CEP85L: variants seen among roughly 807,000 people sequenced by gnomAD.
The protein encoded by CEP85L is centrosomal protein 85L.
In CEP85L, 60 loss-of-function variants were observed where a neutral mutation model predicts 100.3. The observed-to-expected ratio is 0.60, with a 90% CI of 0.49 to 0.74. The LOEUF (loss-of-function observed/expected upper bound fraction) is 0.74. Among genes scored for constraint, CEP85L ranks in the 30% least tolerant of loss-of-function variants. The pLI is 0.00. For synonymous variants in CEP85L, 319 were observed against 322.7 expected (o/e 0.99, Z 0.12); for missense variants, 973 against 936.2 (o/e 1.04, Z -0.51).
chr6:118,502,282 A>T, intron 5 of CEP85L: 7 of 531,520 alleles, frequency 1.3e-5, no homozygotes, highest in South Asian at 1.2e-4. Context: ...TTCAGATTTA[A>T]TCTATGCAAT....
chr6:118,694,600 C>G (rs1208334057), intron 1 of CEP85L, among the ~76,000 whole-genome samples: 1 of 151,920 alleles, frequency 6.6e-6, no homozygotes, highest in African/African-American at 2.4e-5. Flanking sequence ...TGTCTAAAAC[C>G]CCTACAATCT....
intron 2 of CEP85L, among the ~76,000 whole-genome samples, 178 bp from the exon 3 acceptor site, chr6:118,566,494 C>T (rs777657506): frequency 1.3e-5 from 2 of 152,092 alleles, no homozygotes; most frequent in African/African-American, 2.4e-5. Context: ...CTCGGCTCAC[C>T]GCAATCTCTG....
In CEP85L at chr6:118,578,507, G is replaced by A. The variant is rs144619432; in HGVS notation, c.233-12191C>T. 1.0e-2 allele frequency among the ~76,000 whole-genome samples: 1,522 copies of A among 152,218 alleles called. 37 individuals carry two copies. The highest frequency in any genetic ancestry group is 0.034 in the African/African-American group (1,398 of 41,522). On this transcript the variant is annotated intron_variant, in intron 2 of 12. Transcript: ENST00000368491. The stretch of plus-strand genomic sequence containing the variant: ...AGCACTTTGGGAGGCTGAGGCGGGC[G>A]GATCACGAGGTCAGGAGATTGAGAC...
At chr6:118,621,165 C>G (rs1396535327) in intron 2 of CEP85L, among the ~76,000 whole-genome samples, 2 of 152,146 alleles carry the variant, frequency 1.3e-5, no homozygotes, top group Non-Finnish European at 2.9e-5. Context: ...AAGCTCAAGG[C>G]TTAGTGAGAA....
At chr6:118,481,185 A>G (rs928214220) in intron 8 of CEP85L, among the ~76,000 whole-genome samples, 4 of 151,836 alleles carry the variant, frequency 2.6e-5, no homozygotes, top group Non-Finnish European at 5.9e-5. Flanking sequence ...TATTCCATTA[A>G]GGAGTGCAGT....
intron 3 of CEP85L, among the ~76,000 whole-genome samples, chr6:118,531,711 C>A (rs1402571378): frequency 1.3e-5 from 2 of 152,032 alleles, no homozygotes; most frequent in African/African-American, 4.8e-5. Flanking sequence ...CATGAACAGA[C>A]ACATCTCAAA....
At chr6:118,495,320 A>T (rs1582909109) in intron 5 of CEP85L, among the ~76,000 whole-genome samples, 1 of 152,208 alleles carries the variant, frequency 6.6e-6, no homozygotes, top group East Asian at 1.9e-4. Flanking sequence ...TCCCCACCCA[A>T]ATCTCAACTT....
intron 1 of CEP85L, among the ~76,000 whole-genome samples, chr6:118,684,888 G>A (rs1325498262): frequency 2.6e-5 from 4 of 152,154 alleles, no homozygotes; most frequent in Non-Finnish European, 5.9e-5. Flanking sequence ...CTGGGCTCAA[G>A]TGATCCTCCC....
intron 5 of CEP85L, among the ~76,000 whole-genome samples, chr6:118,492,392 T>C (rs953412279): frequency 2.6e-5 from 4 of 152,134 alleles, no homozygotes; most frequent in African/African-American, 7.2e-5. Flanking sequence ...CATCTCAAAG[T>C]GTCCATCTTA....
chr6:118,537,758 C>T, intron 3 of CEP85L: 1 of 985,336 alleles, frequency 1.0e-6, no homozygotes, highest in Non-Finnish European at 1.2e-6. Flanking sequence ...TCCAGTGCTA[C>T]CACACTTGAC....
rs576934616 is a variant in CEP85L, at chr6:118,545,576, G to C, written c.1020+19953C>G. Among the ~76,000 whole-genome samples the C allele has an allele frequency of 2.0e-5, 3 of 152,236 alleles. No individual in the cohort carries two copies. In the South Asian group the frequency reaches 6.2e-4, roughly 32 times the overall value. ...CACTCGGGGCTGAGTAACAGAGTGA[G>C]ACTCCGCACCCCCTTCCAAAAAAAA... On this transcript the variant is annotated intron_variant, in intron 3 of 12. Coordinates refer to ENST00000368491, the MANE Select transcript of CEP85L (RefSeq NM_001042475.3).
intron 5 of CEP85L, among the ~76,000 whole-genome samples, chr6:118,501,005 T>G (rs1775264563): frequency 6.6e-6 from 1 of 152,206 alleles, no homozygotes; most frequent in Admixed American, 6.5e-5. Context: ...CTTTCTCCCC[T>G]TTTCTTCCCC....
intron 2 of CEP85L, among the ~76,000 whole-genome samples, chr6:118,609,146 AT>A (rs1772440625): frequency 2.0e-5 from 3 of 152,216 alleles, no homozygotes; most frequent in Admixed American, 2.0e-4. Context: ...TGATCAGTTT[AT>A]TTAAAAGCCT....
chr6:118,478,532 A>G (rs1773553836), intron 10 of CEP85L, among the ~76,000 whole-genome samples: 1 of 152,138 alleles, frequency 6.6e-6, no homozygotes, highest in African/African-American at 2.4e-5. Flanking sequence ...GATGCTAAGA[A>G]CAAAAAAGAA....
At chr6:118,647,160 A>G (rs1007306148) in intron 1 of CEP85L, 2 of 659,492 alleles carry the variant, frequency 3.0e-6, no homozygotes, top group African/African-American at 3.9e-5. Context: ...ATTAGTTGTA[A>G]CCATACCAGT....
At chr6:118,531,531 G>T (rs9489427) in intron 3 of CEP85L, among the ~76,000 whole-genome samples, 4,395 of 152,134 alleles carry the variant, frequency 0.029, 109 homozygotes, top group African/African-American at 0.056. Flanking sequence ...TTAAACAAAA[G>T]AGCTTCTGCA....
chr6:118,489,635 A>G (rs975449506), intron 6 of CEP85L, among the ~76,000 whole-genome samples: 5 of 152,316 alleles, frequency 3.3e-5, no homozygotes, highest in Middle Eastern at 3.4e-3. Flanking sequence ...TTCTTGAAAA[A>G]AGAAAATAAC....
At chr6:118,532,979 A>G (rs554216819) in intron 3 of CEP85L, among the ~76,000 whole-genome samples, 39 of 152,126 alleles carry the variant, frequency 2.6e-4, no homozygotes, top group Non-Finnish European at 5.1e-4. Flanking sequence ...AAAATATCAA[A>G]ATTTTAAGGA....
chr6:118,570,323 C>A (rs1779810580), intron 2 of CEP85L, among the ~76,000 whole-genome samples: 1 of 152,120 alleles, frequency 6.6e-6, no homozygotes, highest in Non-Finnish European at 1.5e-5. Flanking sequence ...TAAAATACTT[C>A]TAAAGTATGA....
Sources: allele counts gnomAD v4.1 joint callset (sites outside exome capture counted in the v4.1 genomes callset), GRCh38; gene constraint gnomAD v4.1.1; transcripts MANE v1.5; gene names NCBI Gene and HGNC (gene_info 2026-07-23, HGNC 2026-07-21).